Variants in CSN2 observed in about 807,000 individuals in gnomAD.
The protein encoded by CSN2 is casein beta.
Under a neutral mutation model 27.3 loss-of-function variants are expected in CSN2, and 27 were observed. The observed-to-expected ratio is 0.99, with a 90% CI of 0.73 to 1.36. CSN2 has a LOEUF of 1.36. Among genes scored for constraint, CSN2 ranks in the 40% most tolerant of loss-of-function variants. CSN2 has a pLI of 0.00. For missense variants in CSN2, 333 were observed against 264.5 expected (o/e 1.26, Z -1.80); for synonymous variants, 131 against 94.8 (o/e 1.38, Z -2.22).
chr4:69,957,733 G>C lies in CSN2; in HGVS notation c.216C>G (p.Ile72Met), dbSNP rs750277208. The C allele has an allele frequency of 6.2e-7, 1 of 1,613,974 alleles. No homozygotes were observed. Among genetic ancestry groups the C allele is most frequent in the Non-Finnish European group, 8.5e-7 (1 of 1,179,946 alleles). The change falls in exon 6 of 8, where the codon ATC (isoleucine) becomes ATG (methionine). Residue 72 changes from isoleucine (I) to methionine (M), a missense_variant. Coordinates refer to ENST00000353151, the MANE Select transcript of CSN2 (RefSeq NM_001891.4). ...TGTTTTGTGGAAGAAAACCATAGGG[G>C]ATAGGTTCAACGAATGGATAGATCA... ...QPLIYPFVEP[I>M]PYGFLPQNIL... is the part of the protein sequence containing the mutation.
chr4:69,964,788 T>A (rs937251967), intron 1 of CSN2, among the ~76,000 whole-genome samples: 6 of 149,586 alleles, frequency 4.0e-5, no homozygotes, highest in East Asian at 1.9e-4. Context: ...TATATACGAA[T>A]GTATAATTAC....
intron 1 of CSN2, among the ~76,000 whole-genome samples, chr4:69,964,278 C>T (rs1292210856): frequency 6.6e-6 from 1 of 152,094 alleles, no homozygotes; most frequent in Non-Finnish European, 1.5e-5. Flanking sequence ...CTTGGGACTA[C>T]CTCTTCTTGT....
chr4:69,955,527 A>G lies in CSN2; in HGVS notation c.*102T>C, dbSNP rs553703140. 14 of 152,678 alleles carry G rather than the reference A, an allele frequency of 9.2e-5. No individual in the cohort carries two copies. In the East Asian group the frequency reaches 2.5e-3, roughly 27 times the overall value. 9.5% of individuals were successfully genotyped at this position (152,678 alleles called of 1,614,324 possible). On this transcript the variant is annotated 3_prime_UTR_variant, in exon 8 of 8. Transcript: ENST00000353151. ...TTTTTCCATATAAACTCATTCAAAC[A>G]TACTTAATTTGGGGTAACGTGATAC...
Position 69,957,334 on chromosome 4 carries a change from G to A in CSN2, c.615C>T (p.Asn205=), listed in dbSNP as rs766852942. 22 of 1,602,076 alleles carry A rather than the reference G, an allele frequency of 1.4e-5. No homozygotes were observed. The highest frequency in any genetic ancestry group is 1.9e-5 in the Non-Finnish European group (22 of 1,174,430). ...ALLLNQELLL[N]PTHQIYPVTQ... ...TCACAGGGTAGATCTGGTGGGTGGG[G>A]TTAAGTAGAAGTTCTTGGTTGAGCA... Residue 205 remains asparagine, a synonymous_variant, in exon 6 of 8, where the codon AAC becomes AAT. Coordinates refer to ENST00000353151, the MANE Select transcript of CSN2 (RefSeq NM_001891.4).
In CSN2 at chr4:69,957,607, C is replaced by T. The variant is rs765646805; in HGVS notation, c.342G>A (p.Val114=). The part of the protein sequence containing the change: ...AKDTVYTKGR[V]MPVLKSPTIP... Reference sequence around the variant, plus strand: ...TCGTTGGAGATTTAAGGACAGGCATCACTCTGCCCTTAGTGTAGACAGTGT... The same window carrying T: ...TCGTTGGAGATTTAAGGACAGGCATTACTCTGCCCTTAGTGTAGACAGTGT... The change falls in exon 6 of 8, where the codon GTG becomes GTA. Residue 114 remains valine, a synonymous_variant. Transcript: ENST00000353151. 6.2e-7 allele frequency: 1 copy of T among 1,613,918 alleles called. No homozygotes were observed. The highest frequency in any genetic ancestry group is 2.2e-5 in the East Asian group (1 of 44,874).
At chr4:69,962,751 A>C (rs1048340943) in intron 1 of CSN2, among the ~76,000 whole-genome samples, 2 of 152,222 alleles carry the variant, frequency 1.3e-5, no homozygotes, top group Non-Finnish European at 2.9e-5. Flanking sequence ...TAATTAAACT[A>C]AAGAACTTCT....
chr4:69,963,642 C>T (rs1195322091), intron 1 of CSN2, among the ~76,000 whole-genome samples: 3 of 151,912 alleles, frequency 2.0e-5, no homozygotes, highest in East Asian at 1.9e-4. Flanking sequence ...TGTTAAATGA[C>T]GTGTTAATGG....
chr4:69,956,313 C>T lies in CSN2; in HGVS notation c.*36+1G>A, dbSNP rs1305538341. On this transcript the variant is annotated splice_donor_variant, in intron 7 of 7. Coordinates refer to ENST00000353151, the MANE Select transcript of CSN2 (RefSeq NM_001891.4). LOFTEE classifies it low-confidence loss of function (3UTR_SPLICE). Reference sequence around the variant, plus strand: ...TAAATCTCCAAACTCCCAAAACTTACCAAAAATAAGGAGGGAAAATTAACT... The same window carrying T: ...TAAATCTCCAAACTCCCAAAACTTATCAAAAATAAGGAGGGAAAATTAACT... 2 of 1,389,340 alleles carry T rather than the reference C, an allele frequency of 1.4e-6. No individual in the cohort carries two copies. The highest frequency in any genetic ancestry group is 1.5e-5 in the African/African-American group (1 of 66,882). 86.1% of individuals were successfully genotyped at this position (1,389,340 alleles called of 1,614,324 possible).
intron 2 of CSN2, 121 bp from the exon 3 acceptor site, chr4:69,960,200 G>T (rs1165263519): frequency 6.0e-6 from 5 of 834,586 alleles, no homozygotes; most frequent in Non-Finnish European, 7.6e-6. Context: ...GCATTGGATT[G>T]TTCCTTCTGA....
At chr4:69,960,027 TA>T in intron 3 of CSN2, 25 bp downstream of exon 3, 1 of 1,608,466 alleles carries the variant, frequency 6.2e-7, no homozygotes. Flanking sequence ...TTTACTGTTC[TA>T]AAATTGGGTA....
At chr4:69,964,861 T>C (rs1723744753) in intron 1 of CSN2, among the ~76,000 whole-genome samples, 1 of 150,482 alleles carries the variant, frequency 6.6e-6, no homozygotes, top group Non-Finnish European at 1.5e-5. Flanking sequence ...GTTTTTATAC[T>C]CATTTCTATA....
intron 1 of CSN2, among the ~76,000 whole-genome samples, chr4:69,961,576 C>T (rs550610913): frequency 8.5e-5 from 13 of 152,148 alleles, no homozygotes; most frequent in Non-Finnish European, 1.8e-4. Flanking sequence ...ATTGATGGGA[C>T]ATATCTCAAA....
intron 1 of CSN2, among the ~76,000 whole-genome samples, chr4:69,964,753 A>G (rs1173005444): frequency 6.7e-6 from 1 of 149,738 alleles, no homozygotes; most frequent in Non-Finnish European, 1.5e-5. Context: ...TTTTATTACT[A>G]ATCTACTAAT....
chr4:69,955,674 G>T (rs561630770), intron 7 of CSN2, 82 bp from the exon 8 acceptor site: 2 of 152,536 alleles, frequency 1.3e-5, no homozygotes, highest in East Asian at 3.9e-4. Context: ...ACTTTGGTGT[G>T]ACTAATTCAC....
At chr4:69,961,723 T>A (rs906854945) in intron 1 of CSN2, among the ~76,000 whole-genome samples, 2 of 152,142 alleles carry the variant, frequency 1.3e-5, no homozygotes, top group African/African-American at 4.8e-5. Context: ...GTGTTGGAAG[T>A]TCTGGCCAGG....
chr4:69,957,939 A>G, intron 5 of CSN2, 135 bp from the exon 6 acceptor site: 1 of 895,412 alleles, frequency 1.1e-6, no homozygotes, highest in Non-Finnish European at 1.7e-6. Context: ...ATTTTGGTTA[A>G]GAAAGTATCT....
intron 1 of CSN2, among the ~76,000 whole-genome samples, chr4:69,962,468 A>T (rs1454142286): frequency 6.6e-6 from 1 of 152,162 alleles, no homozygotes; most frequent in Non-Finnish European, 1.5e-5. Flanking sequence ...AAAGCTGACA[A>T]AAACAAGCAA....
At chr4:69,962,020 T>TC (rs1487591091) in intron 1 of CSN2, among the ~76,000 whole-genome samples, 1 of 152,046 alleles carries the variant, frequency 6.6e-6, no homozygotes, top group Non-Finnish European at 1.5e-5. Context: ...GGAATCCAAC[T>TC]TACAAGGGAT....
chr4:69,956,126 A>C (rs1307440208), intron 7 of CSN2, among the ~76,000 whole-genome samples, 188 bp downstream of exon 7: 8 of 152,080 alleles, frequency 5.3e-5, no homozygotes, highest in African/African-American at 1.9e-4. Flanking sequence ...AATTAAAGTT[A>C]TTTGAAATGC....
Sources: gnomAD v4.1 joint callset for allele counts (sites outside exome capture counted in the v4.1 genomes callset) on GRCh38, gnomAD v4.1.1 for gene constraint, MANE v1.5 for transcripts, NCBI Gene and HGNC (gene_info 2026-07-23, HGNC 2026-07-21) for gene names.